UQCC1: variants seen among roughly 807,000 people sequenced by gnomAD.
The protein encoded by UQCC1 is bFGF-repressed Zic-binding protein.
UQCC1 carries 38 observed loss-of-function variants against 48.0 expected under a neutral mutation model. The observed-to-expected ratio is 0.79, with a 90% CI of 0.61 to 1.04. The LOEUF (loss-of-function observed/expected upper bound fraction) is 1.04, where lower values mean the gene tolerates loss of function less well. UQCC1 is among the 50% of genes least tolerant of loss of function. The pLI, the probability that UQCC1 is intolerant of heterozygous loss-of-function variation, is 0.00. For missense variants in UQCC1, 368 were observed against 381.8 expected (o/e 0.96, Z 0.30); for synonymous variants, 111 against 129.2 (o/e 0.86, Z 0.95).
intron 7 of UQCC1, among the ~76,000 whole-genome samples, chr20:35,341,411 G>C (rs1160404891): frequency 6.6e-6 from 1 of 152,036 alleles, no homozygotes; most frequent in African/African-American, 2.4e-5. Flanking sequence ...GACTAACACA[G>C]CAAACAAATA....
At chr20:35,374,301 ATGTTCTACTTCCATTAGACATGGG>A (rs777791562) in intron 4 of UQCC1, 45 bp from the exon 5 acceptor site, 6 of 1,465,312 alleles carry the variant, frequency 4.1e-6, no homozygotes, top group Middle Eastern at 1.7e-4. Context: ...GACCAAGTGG[ATGTTCTACTTCCATTAGACATGGG>A]TCACAAAATC....
chr20:35,323,478 T>C (rs1465283838), intron 7 of UQCC1, among the ~76,000 whole-genome samples: 1 of 152,252 alleles, frequency 6.6e-6, no homozygotes, highest in Non-Finnish European at 1.5e-5. Context: ...TATTATTATC[T>C]ATATTAAAGG....
At chr20:35,384,697 C>A in intron 2 of UQCC1, 1 of 439,328 alleles carries the variant, frequency 2.3e-6, no homozygotes, top group Non-Finnish European at 4.5e-6. Context: ...GGCCAGGTGG[C>A]GTGGCTCACA....
chr20:35,314,556 A>T, intron 8 of UQCC1, 132 bp downstream of exon 8: 1 of 618,550 alleles, frequency 1.6e-6, no homozygotes, highest in Non-Finnish European at 2.7e-6. Flanking sequence ...GTTGATGAAT[A>T]TGAAGAAATA....
chr20:35,329,823 C>T (rs974016839), intron 7 of UQCC1, among the ~76,000 whole-genome samples: 1 of 152,172 alleles, frequency 6.6e-6, no homozygotes, highest in African/African-American at 2.4e-5. Context: ...CCCAAGAGCT[C>T]GTCACAGTGC....
At chr20:35,379,038 CT>C (rs1398590560) in intron 4 of UQCC1, among the ~76,000 whole-genome samples, 2 of 152,100 alleles carry the variant, frequency 1.3e-5, no homozygotes, top group Non-Finnish European at 2.9e-5. Flanking sequence ...TGTCAGTGTC[CT>C]TCAGAATAGG....
At chr20:35,382,813 T>C (rs1264654271) in intron 3 of UQCC1, among the ~76,000 whole-genome samples, 1 of 152,110 alleles carries the variant, frequency 6.6e-6, no homozygotes, top group East Asian at 1.9e-4. Flanking sequence ...CCCGGCCTAA[T>C]TTTCATTTTT....
At chr20:35,327,040 T>C (rs1056160278) in intron 7 of UQCC1, among the ~76,000 whole-genome samples, 1 of 152,194 alleles carries the variant, frequency 6.6e-6, no homozygotes, top group African/African-American at 2.4e-5. Flanking sequence ...GATCCTAAAA[T>C]AGATATCATA....
intron 7 of UQCC1, among the ~76,000 whole-genome samples, chr20:35,329,805 T>C (rs969083951): frequency 6.6e-6 from 1 of 152,178 alleles, no homozygotes; most frequent in African/African-American, 2.4e-5. Context: ...GTGAGAGGCA[T>C]AGTCAACCCC....
chr20:35,306,668 GT>G lies in UQCC1; in HGVS notation c.762del (p.Lys254AsnfsTer9). 3 of 1,613,064 alleles carry G rather than the reference GT, an allele frequency of 1.9e-6. No homozygotes were observed. The highest frequency in any genetic ancestry group is 2.5e-6 in the Non-Finnish European group (3 of 1,179,302). The part of the protein sequence containing the change: ...HLELLVEYVR[K>X]QIQYLDSMNG... ...AGGGGAGGGAAAGGGTCACTCACCTGTTTCCTCACATACTCTACCAGCAATT... is the reference window on the plus strand; with the variant it reads ...AGGGGAGGGAAAGGGTCACTCACCTGTTCCTCACATACTCTACCAGCAATT... On this transcript the variant is annotated frameshift_variant, in exon 9 of 10. Transcript: ENST00000374385. LOFTEE classifies it high-confidence loss of function.
In UQCC1 at chr20:35,358,761, T is replaced by C. The variant is rs141222850; in HGVS notation, c.464+7796A>G. 7.8e-3 allele frequency among the ~76,000 whole-genome samples: 1,187 copies of C among 152,248 alleles called. 13 individuals are homozygous for C. The highest frequency in any genetic ancestry group is 0.027 in the African/African-American group (1,135 of 41,530). On this transcript the variant is annotated intron_variant, in intron 6 of 9. Coordinates refer to ENST00000374385, the MANE Select transcript of UQCC1 (RefSeq NM_018244.5). ...TTTTAGTACAGACACGGTTTCACCATGTTGGTCAGGCTGGTCTCAAACTCC... is the reference window on the plus strand; with the variant it reads ...TTTTAGTACAGACACGGTTTCACCACGTTGGTCAGGCTGGTCTCAAACTCC...
intron 8 of UQCC1, among the ~76,000 whole-genome samples, chr20:35,310,287 C>T (rs2060975064): frequency 6.6e-6 from 1 of 152,128 alleles, no homozygotes; most frequent in African/African-American, 2.4e-5. Context: ...TGGAAATTCA[C>T]AGTAAAAACA....
At chr20:35,359,303 C>T (rs991544412) in intron 6 of UQCC1, among the ~76,000 whole-genome samples, 1 of 152,164 alleles carries the variant, frequency 6.6e-6, no homozygotes, top group African/African-American at 2.4e-5. Flanking sequence ...TAAGGTTGCA[C>T]GGTAGAGAAG....
intron 6 of UQCC1, among the ~76,000 whole-genome samples, chr20:35,363,028 T>TAAAAAAAAAAAA (rs60988214): frequency 1.1e-4 from 9 of 80,220 alleles, no homozygotes; most frequent in East Asian, 3.6e-4. Flanking sequence ...TCCTTAAAAC[T>TAAAAAAAAAAAA]AAAAAAAAAA....
chr20:35,355,482 C>A (rs1214908054), intron 6 of UQCC1, among the ~76,000 whole-genome samples: 1 of 152,154 alleles, frequency 6.6e-6, no homozygotes, highest in Non-Finnish European at 1.5e-5. Context: ...GAAAAGCAGT[C>A]CTGTTGTGAA....
intron 7 of UQCC1, among the ~76,000 whole-genome samples, chr20:35,325,540 G>A (rs896147738): frequency 4.3e-4 from 65 of 152,278 alleles, no homozygotes; most frequent in African/African-American, 1.2e-3. Flanking sequence ...AGAATTCTAC[G>A]TTGCATTGTA....
chr20:35,407,578 T>C (rs756692214), intron 1 of UQCC1, among the ~76,000 whole-genome samples: 33 of 152,166 alleles, frequency 2.2e-4, no homozygotes, highest in East Asian at 5.8e-4. Context: ...TGATGAGGGA[T>C]TGATATTCAA....
intron 7 of UQCC1, among the ~76,000 whole-genome samples, chr20:35,339,059 G>A (rs1027611000): frequency 6.6e-6 from 1 of 151,254 alleles, no homozygotes; most frequent in Non-Finnish European, 1.5e-5. Flanking sequence ...ATGAGAGCCA[G>A]GGAACCCATG....
intron 6 of UQCC1, among the ~76,000 whole-genome samples, chr20:35,350,058 A>C (rs1230613213): frequency 1.3e-5 from 2 of 152,204 alleles, no homozygotes; most frequent in African/African-American, 4.8e-5. Flanking sequence ...TGGGCAGGCC[A>C]TAGAGGGAGA....
Sources: allele counts gnomAD v4.1 joint callset (sites outside exome capture counted in the v4.1 genomes callset), GRCh38; gene constraint gnomAD v4.1.1; transcripts MANE v1.5; gene names NCBI Gene and HGNC (gene_info 2026-07-23, HGNC 2026-07-21).